Variants in BLM observed in about 807,000 individuals in gnomAD.
The protein encoded by BLM is BLM RecQ like helicase, also known as recQ-like DNA helicase BLM.
BLM carries 95 observed loss-of-function variants against 135.3 expected under a neutral mutation model. The ratio of observed to expected loss-of-function variants is 0.70; its 90% CI spans 0.59 to 0.83. BLM has a LOEUF of 0.83. Among genes scored for constraint, BLM ranks in the 40% least tolerant of loss-of-function variants. The pLI, the probability that BLM is intolerant of heterozygous loss-of-function variation, is 0.00. For synonymous variants in BLM, 520 were observed against 589.2 expected (o/e 0.88, Z 1.70); for missense variants, 1,518 against 1,663.9 (o/e 0.91, Z 1.53).
intron 1 of BLM, among the ~76,000 whole-genome samples, chr15:90,726,643 T>TGA (rs1894925981): frequency 6.6e-6 from 1 of 152,194 alleles, no homozygotes; most frequent in African/African-American, 2.4e-5. Context: ...TTTACTTCTA[T>TGA]GAGAGCAACG....
chr15:90,780,973 C>T (rs1404804761), intron 12 of BLM, among the ~76,000 whole-genome samples: 1 of 152,196 alleles, frequency 6.6e-6, no homozygotes, highest in Non-Finnish European at 1.5e-5. Flanking sequence ...GGCCCTAGAA[C>T]CAATCCCCCA....
intron 16 of BLM, among the ~76,000 whole-genome samples, 176 bp from the exon 17 acceptor site, chr15:90,798,014 G>A (rs1249723426): frequency 6.6e-6 from 1 of 152,118 alleles, no homozygotes. Flanking sequence ...ACAACATCGA[G>A]TGGTAGTTGT....
intron 1 of BLM, among the ~76,000 whole-genome samples, chr15:90,728,314 G>T (rs1894970929): frequency 6.6e-6 from 1 of 152,212 alleles, no homozygotes; most frequent in African/African-American, 2.4e-5. Context: ...GGGATTATAG[G>T]CATGAGCCAC....
intron 17 of BLM, among the ~76,000 whole-genome samples, chr15:90,801,148 CAAAAAAAAAAAAGTTGTAA>C (rs777183824): frequency 2.0e-4 from 27 of 134,578 alleles, no homozygotes; most frequent in Admixed American, 2.1e-4. Context: ...GACTCCATCT[CAAAAAAAAAAAAGTTGTAA>C]AAAAAAAAAA....
At chr15:90,757,355 G>A (rs1011276303) in intron 5 of BLM, among the ~76,000 whole-genome samples, 2 of 152,142 alleles carry the variant, frequency 1.3e-5, no homozygotes, top group African/African-American at 4.8e-5. Flanking sequence ...GTACTCTGAG[G>A]TATAATCTGT....
At chr15:90,807,440 C>T (rs1019794509) in intron 19 of BLM, among the ~76,000 whole-genome samples, 1 of 152,098 alleles carries the variant, frequency 6.6e-6, no homozygotes, top group Non-Finnish European at 1.5e-5. Context: ...CTTATTCTGT[C>T]GCCCAGGCTG....
Position 90,760,177 on chromosome 15 carries a change from T to G in BLM, c.1118T>G (p.Ile373Ser). ...CAGATAAGTTTACAGCAGCAGCTTA[T>G]TCATGTGATGGAGCACATCTGTAAA... is the stretch of plus-strand genomic sequence containing the variant. ...ARQISLQQQL[I>S]HVMEHICKLI... is the part of the protein sequence containing the mutation. The change falls in exon 6 of 22, where the codon ATT (isoleucine) becomes AGT (serine). Residue 373 changes from isoleucine to serine, a missense_variant. This residue lies in a region of BLM where 724 missense variants were observed against 756.9 expected (regional missense o/e 0.96). Coordinates refer to ENST00000355112, the MANE Select transcript of BLM (RefSeq NM_000057.4). 6.2e-7 allele frequency: 1 copy of G among 1,612,564 alleles called. No individual in the cohort carries two copies. The highest frequency in any genetic ancestry group is 8.5e-7 in the Non-Finnish European group (1 of 1,178,548).
intron 1 of BLM, among the ~76,000 whole-genome samples, chr15:90,734,701 A>G (rs928853406): frequency 8.6e-5 from 5 of 57,816 alleles, no homozygotes; most frequent in African/African-American, 7.6e-4. Flanking sequence ...ACACGCAGAG[A>G]GAGAGAGAGA....
chr15:90,757,778 C>A (rs1419623011), intron 5 of BLM, among the ~76,000 whole-genome samples: 2 of 152,122 alleles, frequency 1.3e-5, no homozygotes, highest in African/African-American at 4.8e-5. Context: ...AGGATATGTA[C>A]TGTTTCCCCT....
At chr15:90,756,669 A>C (rs115890215) in intron 5 of BLM, among the ~76,000 whole-genome samples, 1,831 of 152,342 alleles carry the variant, frequency 0.012, 29 homozygotes, top group African/African-American at 0.042. Context: ...GGCTTACAAC[A>C]GTCCATTCAT....
chr15:90,739,325 C>T (rs957637592), intron 1 of BLM, among the ~76,000 whole-genome samples: 2 of 152,096 alleles, frequency 1.3e-5, no homozygotes, highest in East Asian at 1.9e-4. Context: ...CACTTGAACC[C>T]GGGAGGCAGA....
chr15:90,733,956 G>C (rs888959149), intron 1 of BLM, among the ~76,000 whole-genome samples: 11 of 151,980 alleles, frequency 7.2e-5, no homozygotes, highest in African/African-American at 2.7e-4. Flanking sequence ...TATGAAGCAA[G>C]TATAAAACAA....
Position 90,815,260 on chromosome 15 carries a change from CT to C in BLM, c.4237del (p.Ser1413HisfsTer26), listed in dbSNP as rs1454179023. 6.2e-7 allele frequency: 1 copy of C among 1,614,094 alleles called. No homozygotes were observed. The highest frequency in any genetic ancestry group is 1.7e-5 in the Admixed American group (1 of 60,014). On this transcript the variant is annotated frameshift_variant, in exon 22 of 22. Coordinates refer to ENST00000355112, the MANE Select transcript of BLM (RefSeq NM_000057.4). LOFTEE classifies it high-confidence loss of function. The surrounding 1 kb of genome is among the most constrained non-coding windows in gnomAD (Gnocchi z 4.6). ...PKPINRPFLKPSYAFS is the reference protein window; with the variant it reads ...PKPINRPFLKXSYAFS ...CCTATAAATAGACCGTTTCTTAAGC[CT>C]TCATATGCATTCTCATAACAACCGA...
intron 12 of BLM, among the ~76,000 whole-genome samples, chr15:90,778,854 A>ATTGGGTCATAT (rs1384219692): frequency 2.0e-5 from 3 of 149,052 alleles, no homozygotes; most frequent in African/African-American, 7.4e-5. Context: ...GAGTGAAATT[A>ATTGGGTCATAT]TTGGGTCATA....
At chr15:90,724,575 C>T (rs748539383) in intron 1 of BLM, among the ~76,000 whole-genome samples, 7 of 152,146 alleles carry the variant, frequency 4.6e-5, no homozygotes, top group Admixed American at 1.3e-4. Context: ...TTCCAGACCC[C>T]CCACTTCAGA....
intron 1 of BLM, among the ~76,000 whole-genome samples, chr15:90,723,043 T>C (rs1022902886): frequency 2.0e-5 from 3 of 152,178 alleles, no homozygotes; most frequent in Admixed American, 6.5e-5. Context: ...GGTTACATCA[T>C]GTTGGCCAGG....
At chr15:90,786,904 C>T (rs1054042441) in intron 14 of BLM, among the ~76,000 whole-genome samples, 11 of 151,950 alleles carry the variant, frequency 7.2e-5, no homozygotes, top group African/African-American at 2.2e-4. Context: ...TGAGCCACCA[C>T]GCCTGGCCCT....
chr15:90,812,628 G>GA (rs1350471127), intron 21 of BLM, among the ~76,000 whole-genome samples: 1 of 149,282 alleles, frequency 6.7e-6, no homozygotes, highest in African/African-American at 2.5e-5. Flanking sequence ...GTTGCTTGCA[G>GA]AAAAAAGAAA....
At chr15:90,765,152 T>G in intron 8 of BLM, 144 bp from the exon 9 acceptor site, 2 of 729,808 alleles carry the variant, frequency 2.7e-6, no homozygotes, top group South Asian at 3.0e-5. Context: ...ATATAATAGT[T>G]TGAGTCATTT....
Sources: gnomAD v4.1 joint callset for allele counts (sites outside exome capture counted in the v4.1 genomes callset) on GRCh38, gnomAD v4.1.1 for gene constraint, gnomAD v4.1.1 regional missense constraint, Gnocchi (gnomAD v3.1) non-coding constraint, MANE v1.5 for transcripts, NCBI Gene and HGNC (gene_info 2026-07-23, HGNC 2026-07-21) for gene names.